The following GSE1 variants were observed in gnomAD, a reference collection of about 807,000 sequenced individuals.
The protein encoded by GSE1 is genetic suppressor element 1.
A neutral mutation model predicts 112.6 loss-of-function variants in GSE1; 32 were observed. The observed-to-expected ratio is 0.28, with a 90% CI of 0.21 to 0.38. The LOEUF (loss-of-function observed/expected upper bound fraction) is 0.38, where lower values mean the gene tolerates loss of function less well. Ranked by LOEUF, GSE1 falls within the 10% of genes least tolerant of loss-of-function variation. The pLI is 1.00. For missense variants in GSE1, 2,348 were observed against 1,699.2 expected (o/e 1.38, Z -6.71); for synonymous variants, 1,115 against 735.6 (o/e 1.52, Z -8.35).
intron 2 of GSE1, among the ~76,000 whole-genome samples, chr16:85,361,732 G>C (rs1267009517): frequency 1.3e-5 from 2 of 152,222 alleles, no homozygotes; most frequent in African/African-American, 4.8e-5. Flanking sequence ...TGCCGACCTG[G>C]GCCCTGGGCA....
upstream of GSE1, among the ~76,000 whole-genome samples, chr16:85,553,049 C>CTTT (rs11431375): frequency 6.7e-6 from 1 of 149,924 alleles, no homozygotes; most frequent in Non-Finnish European, 1.5e-5. Flanking sequence ...AAATAGTTTT[C>CTTT]TTTTTTTTTT....
At chr16:85,316,713 C>G (rs1159961931) in intron 1 of GSE1, among the ~76,000 whole-genome samples, 1 of 152,230 alleles carries the variant, frequency 6.6e-6, no homozygotes, top group Non-Finnish European at 1.5e-5. Context: ...GATCGAGTCC[C>G]AACCCCCATG....
upstream of GSE1, chr16:85,611,499 C>G: frequency 1.0e-6 from 1 of 984,650 alleles, no homozygotes; most frequent in Non-Finnish European, 1.2e-6. Context: ...AGCAGCACCC[C>G]CGCGCCGTGC....
chr16:85,567,241 G>A lies in GSE1; in HGVS notation c.37+10878G>A, dbSNP rs560810285. Among the ~76,000 whole-genome samples the A allele has an allele frequency of 3.1e-3, 471 of 152,258 alleles. No homozygotes were observed. The Middle Eastern group carries it at 0.048, about 15-fold the overall frequency. On this transcript the variant is annotated intron_variant, in intron 1 of 2. Coordinates refer to the GSE1 transcript ENST00000635906. ...GGTGGGTGGGTCTGCAGGGGACCAG[G>A]GCTCCTGGCATGGAGGAAGACTTCA... is the stretch of plus-strand genomic sequence containing the variant.
chr16:85,442,824 C>G (rs1456365336), intron 2 of GSE1, among the ~76,000 whole-genome samples: 2 of 152,176 alleles, frequency 1.3e-5, no homozygotes, highest in African/African-American at 4.8e-5. Context: ...TCTCACGGTT[C>G]CAGAGGCCGG....
chr16:85,535,824 G>T (rs1234530093), intron 2 of GSE1, among the ~76,000 whole-genome samples: 1 of 152,244 alleles, frequency 6.6e-6, no homozygotes, highest in Non-Finnish European at 1.5e-5. Flanking sequence ...AGGGCCAGCG[G>T]ACCTTCTTTC....
intron 1 of GSE1, among the ~76,000 whole-genome samples, chr16:85,272,755 C>A (rs76052989): frequency 6.7e-6 from 1 of 150,058 alleles, no homozygotes; most frequent in African/African-American, 2.5e-5. Context: ...TGCTTGCTTG[C>A]TTGCTTGTTT....
intron 2 of GSE1, among the ~76,000 whole-genome samples, chr16:85,495,828 G>A (rs1185068215): frequency 6.6e-6 from 1 of 152,136 alleles, no homozygotes; most frequent in African/African-American, 2.4e-5. Flanking sequence ...CCCTGCCAGG[G>A]CAGTTAAGGC....
At chr16:85,570,394 C>A (rs2045935350) in intron 1 of GSE1, among the ~76,000 whole-genome samples, 1 of 152,200 alleles carries the variant, frequency 6.6e-6, no homozygotes, top group South Asian at 2.1e-4. Context: ...CCGCAAGTGG[C>A]CTGCTGGCAG....
At chr16:85,428,134 G>T (rs1031454123) in intron 2 of GSE1, among the ~76,000 whole-genome samples, 2 of 152,142 alleles carry the variant, frequency 1.3e-5, no homozygotes, top group Non-Finnish European at 2.9e-5. Context: ...GGTGCATCTC[G>T]CCCACCCTTG....
At chr16:85,358,158 C>G (rs1021096286) in intron 2 of GSE1, among the ~76,000 whole-genome samples, 9 of 152,158 alleles carry the variant, frequency 5.9e-5, no homozygotes, top group African/African-American at 2.2e-4. Flanking sequence ...CACCCCCACT[C>G]CAAGGCATCC....
At position 85,663,502 on chromosome 16, in the gene GSE1, G is replaced by T; in HGVS notation, c.2532G>T (p.Ala844=). 1.9e-6 allele frequency: 3 copies of T among 1,613,884 alleles called. No individual in the cohort carries two copies. The highest frequency in any genetic ancestry group is 1.7e-6 in the Non-Finnish European group (2 of 1,180,020). ...SKRQTPSPRL[A]LSTRYSPDEM... ...GGCAGACGCCTTCACCGAGACTGGC[G>T]CTGTCTACCCGCTACAGCCCTGATG... The change falls in exon 11 of 16, where the codon GCG becomes GCT. Residue 844 remains alanine, a synonymous_variant. Coordinates refer to ENST00000253458, the MANE Select transcript of GSE1 (RefSeq NM_014615.5).
chr16:85,254,999 G>A (rs1257466194), intron 1 of GSE1, among the ~76,000 whole-genome samples: 1 of 152,334 alleles, frequency 6.6e-6, no homozygotes, highest in African/African-American at 2.4e-5. Context: ...GTGGTTGGGG[G>A]CAGCACCCAC....
At chr16:85,189,779 C>G (rs1184487490) in intron 1 of GSE1, among the ~76,000 whole-genome samples, 2 of 152,136 alleles carry the variant, frequency 1.3e-5, no homozygotes, top group Non-Finnish European at 2.9e-5. Flanking sequence ...TTCATTTTGT[C>G]TAGGTAGTCA....
At chr16:85,626,899 C>T (rs914662081) in intron 1 of GSE1, among the ~76,000 whole-genome samples, 1 of 151,906 alleles carries the variant, frequency 6.6e-6, no homozygotes, top group African/African-American at 2.4e-5. Context: ...TTAAATCCTG[C>T]TGTTGGAGCG....
At chr16:85,492,192 C>T (rs941409806) in intron 2 of GSE1, among the ~76,000 whole-genome samples, 2 of 152,186 alleles carry the variant, frequency 1.3e-5, no homozygotes, top group African/African-American at 4.8e-5. Context: ...ACACAGGGAC[C>T]TTGATGGTGA....
intron 1 of GSE1, among the ~76,000 whole-genome samples, chr16:85,337,585 G>A (rs535401840): frequency 1.3e-4 from 20 of 152,284 alleles, no homozygotes; most frequent in Non-Finnish European, 2.5e-4. Context: ...GATTACAGGC[G>A]TGAGCCACCG....
At chr16:85,618,111 C>T (rs981090185) in intron 1 of GSE1, among the ~76,000 whole-genome samples, 12 of 152,134 alleles carry the variant, frequency 7.9e-5, no homozygotes, top group African/African-American at 2.9e-4. Context: ...CTAGCCAGGC[C>T]TTCCAATTCT....
chr16:85,208,800 GTGTTGGGGTTTGCC>G (rs1309582304), intron 1 of GSE1, among the ~76,000 whole-genome samples: 5 of 106,626 alleles, frequency 4.7e-5, no homozygotes, highest in African/African-American at 1.6e-4. Context: ...GGGTTCGCCT[GTGTTGGGGTTTGCC>G]ACGTGTTGGG....
Sources: gnomAD v4.1 joint callset for allele counts (sites outside exome capture counted in the v4.1 genomes callset) on GRCh38, gnomAD v4.1.1 for gene constraint, MANE v1.5 for transcripts, NCBI Gene and HGNC (gene_info 2026-07-23, HGNC 2026-07-21) for gene names.